ME3: variants seen among roughly 807,000 people sequenced by gnomAD.
ME3 encodes NADP-dependent malic enzyme, mitochondrial.
In ME3, 48 loss-of-function variants were observed where a neutral mutation model predicts 68.9. The ratio of observed to expected loss-of-function variants is 0.70; its 90% CI spans 0.55 to 0.89. The LOEUF (loss-of-function observed/expected upper bound fraction) is 0.89. Ranked by LOEUF, ME3 falls within the 40% of genes least tolerant of loss-of-function variation. ME3 has a pLI of 0.00. For synonymous variants in ME3, 320 were observed against 318.8 expected (o/e 1.00, Z -0.04); for missense variants, 675 against 797.4 (o/e 0.85, Z 1.85).
At chr11:86,484,271 G>C (rs185481834) in intron 7 of ME3, among the ~76,000 whole-genome samples, 1 of 139,202 alleles carries the variant, frequency 7.2e-6, no homozygotes, top group South Asian at 2.2e-4. Context: ...ATTTCCCAAG[G>C]TTCTTTCTTA....
intron 8 of ME3, among the ~76,000 whole-genome samples, chr11:86,453,200 G>A (rs933280686): frequency 5.3e-5 from 8 of 151,998 alleles, no homozygotes; most frequent in African/African-American, 9.7e-5. Flanking sequence ...ACGTTTTGGC[G>A]TGTTGGCCAG....
At chr11:86,448,985 C>A (rs893696138) in intron 10 of ME3, among the ~76,000 whole-genome samples, 3 of 152,140 alleles carry the variant, frequency 2.0e-5, no homozygotes, top group Admixed American at 6.6e-5. Flanking sequence ...GCAGCTTACA[C>A]CTGTGGCCAG....
At chr11:86,622,850 C>T (rs1943430746) in intron 2 of ME3, 1 of 151,956 alleles carries the variant, frequency 6.6e-6, no homozygotes, top group African/African-American at 2.4e-5. Context: ...TTCCCAACCA[C>T]TCCCCCTGGA....
chr11:86,649,747 T>C (rs1945275108), intron 2 of ME3, among the ~76,000 whole-genome samples: 1 of 152,084 alleles, frequency 6.6e-6, no homozygotes, highest in Non-Finnish European at 1.5e-5. Flanking sequence ...GGAATACAAC[T>C]TACAAGGATG....
At chr11:86,611,676 A>C (rs1942589221) in intron 2 of ME3, among the ~76,000 whole-genome samples, 1 of 151,988 alleles carries the variant, frequency 6.6e-6, no homozygotes, top group Non-Finnish European at 1.5e-5. Flanking sequence ...CTTATCATGC[A>C]ATGGGAAGAC....
chr11:86,566,342 G>A (rs141079655), intron 2 of ME3, among the ~76,000 whole-genome samples: 62 of 152,278 alleles, frequency 4.1e-4, no homozygotes, highest in Non-Finnish European at 7.8e-4. Context: ...ACGAGACCTC[G>A]ATTATGCTGT....
intron 8 of ME3, among the ~76,000 whole-genome samples, chr11:86,462,404 A>T (rs1319785904): frequency 1.3e-5 from 2 of 152,222 alleles, no homozygotes; most frequent in African/African-American, 4.8e-5. Flanking sequence ...GTAGGCTATT[A>T]GTAGCTAAGT....
At chr11:86,636,147 T>G (rs1015698692) in intron 2 of ME3, among the ~76,000 whole-genome samples, 1 of 152,140 alleles carries the variant, frequency 6.6e-6, no homozygotes, top group Non-Finnish European at 1.5e-5. Flanking sequence ...CAATTCAGTG[T>G]AGTGGTAAAT....
Position 86,442,944 on chromosome 11 carries a change from G to T in ME3, c.1555-25C>A, listed in dbSNP as rs757634865. On this transcript the variant is annotated intron_variant, in intron 13 of 14. Transcript: ENST00000543262. ...GCTGGGGAGAAGGAGAGAACCGAGA[G>T]GAATAAGCTGAGTCTCTGCCTTCCC... is the stretch of plus-strand genomic sequence containing the variant. 11 of 1,575,094 alleles carry T rather than the reference G, an allele frequency of 7.0e-6. No homozygotes were observed. In the South Asian group the frequency reaches 1.0e-4, roughly 14 times the overall value.
intron 3 of ME3, 114 bp downstream of exon 3, chr11:86,559,576 T>C: frequency 6.1e-6 from 8 of 1,321,788 alleles, no homozygotes; most frequent in Non-Finnish European, 8.2e-6. Context: ...TGGGATCTCT[T>C]TGGGCTCTCA....
At chr11:86,595,642 A>G (rs1307651175) in intron 2 of ME3, among the ~76,000 whole-genome samples, 1 of 152,236 alleles carries the variant, frequency 6.6e-6, no homozygotes, top group Non-Finnish European at 1.5e-5. Context: ...AAGGTCACAA[A>G]GATCATGAGG....
At chr11:86,487,154 A>G (rs1951741557) in intron 7 of ME3, among the ~76,000 whole-genome samples, 183 bp downstream of exon 7, 3 of 152,174 alleles carry the variant, frequency 2.0e-5, no homozygotes, top group Admixed American at 2.0e-4. Context: ...GGATTCTCTC[A>G]GAGAATGAGC....
chr11:86,525,334 T>A (rs1286086087), intron 4 of ME3, among the ~76,000 whole-genome samples: 1 of 152,140 alleles, frequency 6.6e-6, no homozygotes, highest in Admixed American at 6.5e-5. Context: ...AAACTTTTGA[T>A]GTTGACAGAA....
At chr11:86,551,909 C>T (rs753274746) in intron 4 of ME3, among the ~76,000 whole-genome samples, 6 of 152,182 alleles carry the variant, frequency 3.9e-5, no homozygotes, top group Non-Finnish European at 5.9e-5. Flanking sequence ...CATCACAGCC[C>T]GATCTCTGAT....
rs899833042 is a variant in ME3 at position 86,457,756 on chromosome 11, G to T, written c.919+7335C>A. On this transcript the variant is annotated intron_variant, in intron 8 of 14. Transcript: ENST00000543262. ...TGGGCAGCTGAAAGTGTGGCAGGTT[G>T]TTCCTATTCATGGTAAAAGAAAAAG... The T allele has an allele frequency of 2.3e-6, 3 of 1,279,706 alleles. No homozygotes were observed. The African/African-American group carries it at 4.6e-5, about 20-fold the overall frequency. 79.3% of individuals were successfully genotyped at this position (1,279,706 alleles called of 1,614,324 possible).
chr11:86,572,319 A>T (rs539807067), intron 2 of ME3, among the ~76,000 whole-genome samples: 1 of 152,048 alleles, frequency 6.6e-6, no homozygotes, highest in East Asian at 1.9e-4. Flanking sequence ...CAGAGTGTGC[A>T]GGTTAGTTAC....
At chr11:86,660,940 G>T (rs550990499) in intron 2 of ME3, among the ~76,000 whole-genome samples, 3 of 152,112 alleles carry the variant, frequency 2.0e-5, no homozygotes, top group East Asian at 1.9e-4. Context: ...AGAGGGTCAG[G>T]TCAAGATTTT....
intron 8 of ME3, among the ~76,000 whole-genome samples, chr11:86,455,731 G>A (rs1227064865): frequency 6.6e-6 from 1 of 152,034 alleles, no homozygotes; most frequent in African/African-American, 2.4e-5. Flanking sequence ...TGCTACCCCA[G>A]GCATCCTTAA....
intron 2 of ME3, among the ~76,000 whole-genome samples, chr11:86,586,031 G>T (rs554994354): frequency 6.6e-6 from 1 of 152,324 alleles, no homozygotes; most frequent in South Asian, 2.1e-4. Flanking sequence ...GTGAAGAGTT[G>T]ATGGAGTTAT....
Sources: allele counts gnomAD v4.1 joint callset (sites outside exome capture counted in the v4.1 genomes callset), GRCh38; gene constraint gnomAD v4.1.1; transcripts MANE v1.5; gene names NCBI Gene and HGNC (gene_info 2026-07-23, HGNC 2026-07-21).